The following PTPRD variants were observed in gnomAD, a reference collection of about 807,000 sequenced individuals.
The protein encoded by PTPRD is receptor-type tyrosine-protein phosphatase delta.
In PTPRD, 34 loss-of-function variants were observed where a neutral mutation model predicts 214.5. The ratio of observed to expected loss-of-function variants is 0.16; its 90% CI spans 0.12 to 0.21. The LOEUF is 0.21. Ranked by LOEUF, PTPRD falls within the 10% of genes least tolerant of loss-of-function variation. The probability of loss-of-function intolerance (pLI) is 1.00; values close to 1 mark genes in which losing one functional copy is unlikely to be tolerated. For synonymous variants in PTPRD, 1,128 were observed against 845.7 expected (o/e 1.33, Z -5.79); for missense variants, 2,545 against 2,398.7 (o/e 1.06, Z -1.27).
chr9:10,115,407 T>C (rs72694891), intron 3 of PTPRD, among the ~76,000 whole-genome samples: 8,784 of 152,154 alleles, frequency 0.058, 325 homozygotes, highest in Admixed American at 0.1. Context: ...TAAAATTATG[T>C]TGCCTTTAGG....
At chr9:8,830,752 C>T (rs2097271895) in intron 11 of PTPRD, among the ~76,000 whole-genome samples, 1 of 152,058 alleles carries the variant, frequency 6.6e-6, no homozygotes, top group African/African-American at 2.4e-5. Context: ...CATTCGCACG[C>T]AAGGATATTC....
At chr9:8,675,247 C>T (rs1449394982) in intron 12 of PTPRD, among the ~76,000 whole-genome samples, 1 of 152,002 alleles carries the variant, frequency 6.6e-6, no homozygotes, top group African/African-American at 2.4e-5. Flanking sequence ...CTCTCTAAGC[C>T]TCTAGTTCCT....
At chr9:9,386,440 C>T (rs912385089) in intron 9 of PTPRD, among the ~76,000 whole-genome samples, 3 of 151,972 alleles carry the variant, frequency 2.0e-5, no homozygotes, top group Non-Finnish European at 4.4e-5. Context: ...GGGTAGATCC[C>T]GGTAAAACGA....
chr9:9,210,500 C>T (rs2132771101), intron 9 of PTPRD, among the ~76,000 whole-genome samples: 1 of 152,260 alleles, frequency 6.6e-6, no homozygotes, highest in Non-Finnish European at 1.5e-5. Flanking sequence ...CATCAAAAAA[C>T]ATAACTTTTG....
intron 10 of PTPRD, among the ~76,000 whole-genome samples, chr9:9,043,426 C>A (rs2154385145): frequency 6.6e-6 from 1 of 152,234 alleles, no homozygotes; most frequent in East Asian, 1.9e-4. Flanking sequence ...TCTAGTATTT[C>A]ATTATCAGGA....
intron 12 of PTPRD, among the ~76,000 whole-genome samples, chr9:8,696,736 C>T (rs530559613): frequency 3.9e-5 from 6 of 152,310 alleles, no homozygotes; most frequent in East Asian, 3.9e-4. Flanking sequence ...GGTCAACCAA[C>T]GGCCTTGTAA....
At chr9:8,500,500 T>C (rs759843710) in intron 24 of PTPRD, among the ~76,000 whole-genome samples, 35 of 124,776 alleles carry the variant, frequency 2.8e-4, no homozygotes, top group Admixed American at 2.4e-3. Flanking sequence ...TGCAAGACCA[T>C]AGGAGCCAAC....
At chr9:9,880,331 G>T (rs934176882) in intron 5 of PTPRD, among the ~76,000 whole-genome samples, 49 of 152,116 alleles carry the variant, frequency 3.2e-4, no homozygotes, top group Non-Finnish European at 7.4e-5. Context: ...TTATAGCAGT[G>T]TGAGAATGGA....
intron 7 of PTPRD, among the ~76,000 whole-genome samples, chr9:9,623,926 G>A (rs1047740778): frequency 1.3e-5 from 2 of 152,074 alleles, no homozygotes; most frequent in Non-Finnish European, 1.5e-5. Flanking sequence ...GCAAAATAAA[G>A]ACATGTCAGT....
chr9:8,452,448 A>G (rs947063924), intron 33 of PTPRD, among the ~76,000 whole-genome samples: 3 of 152,232 alleles, frequency 2.0e-5, no homozygotes, highest in African/African-American at 7.2e-5. Context: ...ATTAAAAGAC[A>G]TATAATGGTC....
At chr9:10,421,664 T>C (rs770294283) in intron 2 of PTPRD, among the ~76,000 whole-genome samples, 12 of 152,040 alleles carry the variant, frequency 7.9e-5, no homozygotes, top group Non-Finnish European at 1.5e-4. Flanking sequence ...ACATAGGCAA[T>C]AGTGATCCAT....
At chr9:8,430,019 T>A (rs1390767977) in intron 35 of PTPRD, among the ~76,000 whole-genome samples, 1 of 152,164 alleles carries the variant, frequency 6.6e-6, no homozygotes, top group Non-Finnish European at 1.5e-5. Context: ...AAATGTGACT[T>A]GTAAGTGAGC....
intron 2 of PTPRD, among the ~76,000 whole-genome samples, chr9:10,572,352 G>T (rs925616169): frequency 1.3e-5 from 2 of 152,116 alleles, no homozygotes; most frequent in Admixed American, 6.6e-5. Flanking sequence ...ATTCCTGGAG[G>T]AAACAACCAT....
intron 5 of PTPRD, among the ~76,000 whole-genome samples, chr9:9,802,034 T>C (rs184351557): frequency 1.3e-5 from 2 of 152,110 alleles, no homozygotes; most frequent in African/African-American, 4.8e-5. Flanking sequence ...GTCTGTTTCA[T>C]CTTATGCATT....
chr9:8,726,663 T>G (rs2098577731), intron 12 of PTPRD, among the ~76,000 whole-genome samples: 15 of 117,416 alleles, frequency 1.3e-4, no homozygotes, highest in South Asian at 6.2e-4. Context: ...CAGCCAGGTG[T>G]GGTGGTGGGC....
At chr9:8,350,578 T>G (rs1048723660) in intron 39 of PTPRD, among the ~76,000 whole-genome samples, 1 of 152,142 alleles carries the variant, frequency 6.6e-6, no homozygotes, top group Non-Finnish European at 1.5e-5. Flanking sequence ...GTGAAAACCT[T>G]CTTTCATTCT....
intron 2 of PTPRD, among the ~76,000 whole-genome samples, chr9:10,575,080 T>C (rs2068770911): frequency 6.6e-6 from 1 of 151,966 alleles, no homozygotes; most frequent in Non-Finnish European, 1.5e-5. Flanking sequence ...TTAGGCAGTA[T>C]GACCAACATC....
intron 11 of PTPRD, among the ~76,000 whole-genome samples, chr9:8,979,959 C>T (rs185789996): frequency 1.6e-4 from 24 of 152,002 alleles, no homozygotes; most frequent in African/African-American, 4.6e-4. Flanking sequence ...ATGGAAACAA[C>T]GTAAATGTCT....
At chr9:8,695,059 C>CT (rs1333456716) in intron 12 of PTPRD, among the ~76,000 whole-genome samples, 3 of 152,176 alleles carry the variant, frequency 2.0e-5, no homozygotes, top group African/African-American at 7.2e-5. Flanking sequence ...ATCGCTCAGT[C>CT]TTTTCCCATC....
Sources: allele counts gnomAD v4.1 joint callset (sites outside exome capture counted in the v4.1 genomes callset), GRCh38; gene constraint gnomAD v4.1.1; transcripts MANE v1.5; gene names NCBI Gene and HGNC (gene_info 2026-07-23, HGNC 2026-07-21).